The following SCAMP1 variants were observed in gnomAD, a reference collection of about 807,000 sequenced individuals.
SCAMP1 encodes the protein secretory carrier-associated membrane protein 1.
SCAMP1 carries 15 observed loss-of-function variants against 41.8 expected under a neutral mutation model. The observed-to-expected ratio is 0.36, with a 90% CI of 0.24 to 0.55. SCAMP1 has a LOEUF of 0.55. SCAMP1 is among the 20% of genes least tolerant of loss of function. SCAMP1 has a pLI of 0.86. For synonymous variants in SCAMP1, 135 were observed against 136.8 expected, an observed-to-expected ratio of 0.99 and a Z score of 0.09; for missense variants, 341 against 412.6, an observed-to-expected ratio of 0.83 and a Z score of 1.50.
At chr5:78,409,263 C>G (rs1752008657) in intron 2 of SCAMP1, among the ~76,000 whole-genome samples, 1 of 152,020 alleles carries the variant, frequency 6.6e-6, no homozygotes, top group Admixed American at 6.6e-5. Context: ...TGTGTATTTA[C>G]AATATTATTT....
intron 2 of SCAMP1, among the ~76,000 whole-genome samples, chr5:78,405,220 G>A (rs1022208677): frequency 7.9e-5 from 12 of 152,202 alleles, no homozygotes; most frequent in Non-Finnish European, 1.5e-4. Context: ...ACTGGAAACT[G>A]AAAGTCCCCT....
chr5:78,367,013 A>T (rs1271663599), intron 1 of SCAMP1, among the ~76,000 whole-genome samples: 1 of 152,070 alleles, frequency 6.6e-6, no homozygotes, highest in Non-Finnish European at 1.5e-5. Flanking sequence ...TATTCTGAGG[A>T]TTTCCTTTGT....
intron 8 of SCAMP1, among the ~76,000 whole-genome samples, chr5:78,461,749 A>G (rs1314880843): frequency 2.6e-5 from 4 of 152,124 alleles, no homozygotes; most frequent in Non-Finnish European, 5.9e-5. Flanking sequence ...TTTTTAGCAG[A>G]GACGGGATTT....
chr5:78,466,560 G>A (rs1275877213), intron 8 of SCAMP1, among the ~76,000 whole-genome samples: 1 of 152,164 alleles, frequency 6.6e-6, no homozygotes, highest in Non-Finnish European at 1.5e-5. Context: ...GCTCAGAATG[G>A]ATGGGAGATA....
chr5:78,430,204 T>C lies in SCAMP1; in HGVS notation c.632+8244T>C. On this transcript the variant is annotated intron_variant, in intron 6 of 8. Coordinates refer to ENST00000621999, the MANE Select transcript of SCAMP1 (RefSeq NM_004866.6). ...AGTATTTATTTATAAATACAGTATT[T>C]ATTTATAAATACAGTATTTATTTAT... 4.1e-5 allele frequency among the ~76,000 whole-genome samples: 2 copies of C among 48,532 alleles called. 1 individual carries two copies. Among genetic ancestry groups the C allele is most frequent in the Non-Finnish European group, 1.1e-4 (2 of 18,562 alleles). 31.8% of individuals were successfully genotyped at this position (48,532 alleles called of 152,430 possible).
intron 6 of SCAMP1, among the ~76,000 whole-genome samples, chr5:78,422,374 T>G (rs1194907914): frequency 6.6e-6 from 1 of 152,008 alleles, no homozygotes; most frequent in Non-Finnish European, 1.5e-5. Flanking sequence ...ATATTTAAAA[T>G]GAGCCATTTG....
intron 6 of SCAMP1, among the ~76,000 whole-genome samples, chr5:78,427,087 A>G (rs1378795375): frequency 6.6e-6 from 1 of 152,204 alleles, no homozygotes; most frequent in African/African-American, 2.4e-5. Context: ...TTTATAAAGA[A>G]AAGAGATTTA....
intron 8 of SCAMP1, among the ~76,000 whole-genome samples, chr5:78,469,377 A>T (rs1209563584): frequency 1.3e-5 from 2 of 152,110 alleles, no homozygotes; most frequent in Non-Finnish European, 2.9e-5. Flanking sequence ...TCTAAGGGAC[A>T]CAGATAGAGT....
intron 2 of SCAMP1, among the ~76,000 whole-genome samples, chr5:78,406,705 G>T (rs1751944130): frequency 6.6e-6 from 1 of 152,130 alleles, no homozygotes; most frequent in Non-Finnish European, 1.5e-5. Context: ...AACTGAAGAG[G>T]CAAATGTAGT....
intron 7 of SCAMP1, among the ~76,000 whole-genome samples, chr5:78,454,344 T>C (rs369146668): frequency 1.3e-5 from 2 of 152,342 alleles, no homozygotes; most frequent in Non-Finnish European, 2.9e-5. Context: ...CTTATTATTT[T>C]GAAATACGTC....
intron 1 of SCAMP1, among the ~76,000 whole-genome samples, chr5:78,375,693 AATC>A (rs1365036810): frequency 6.6e-6 from 1 of 152,230 alleles, no homozygotes; most frequent in Non-Finnish European, 1.5e-5. Context: ...GAAAGATTCT[AATC>A]ATGTCTCTTG....
chr5:78,451,756 G>A (rs992917210), intron 7 of SCAMP1, among the ~76,000 whole-genome samples: 3 of 152,218 alleles, frequency 2.0e-5, no homozygotes, highest in African/African-American at 7.2e-5. Context: ...CTCGGTTCAA[G>A]TGATTCTCAT....
intron 1 of SCAMP1, among the ~76,000 whole-genome samples, chr5:78,385,892 T>C (rs2112079707): frequency 6.6e-6 from 1 of 152,318 alleles, no homozygotes; most frequent in East Asian, 1.9e-4. Flanking sequence ...GAATGTTCCA[T>C]GTGCTGATGA....
At chr5:78,392,023 G>A (rs1751526187) in intron 2 of SCAMP1, among the ~76,000 whole-genome samples, 2 of 1,244 alleles carry the variant, frequency 1.6e-3, no homozygotes, top group South Asian at 0.029. Context: ...GAGAGGGAGA[G>A]AGAGGGAGAG....
chr5:78,418,586 A>G (rs2112142039), intron 4 of SCAMP1, among the ~76,000 whole-genome samples, 189 bp from the exon 5 acceptor site: 1 of 152,288 alleles, frequency 6.6e-6, no homozygotes, highest in South Asian at 2.1e-4. Context: ...TAAGGTGATG[A>G]TATTCTGAGA....
intron 2 of SCAMP1, among the ~76,000 whole-genome samples, chr5:78,403,128 CCCAAAGTGCTGGGATTACAGGCATGAG>C (rs1168749065): frequency 2.0e-5 from 3 of 152,194 alleles, no homozygotes; most frequent in African/African-American, 7.2e-5. Context: ...GCCTCGGCCT[CCCAAAGTGCTGGGATTACAGGCATGAG>C]CCATTGTGCC....
rs116449032 is a variant in SCAMP1, at chr5:78,365,060, G to A, written c.57+4332G>A. ...TACTATTTTGTAAAATAGGGTAATA[G>A]TACATTCTCTATAGGATTGTAAATA... On this transcript the variant is annotated intron_variant, in intron 1 of 8. Transcript: ENST00000621999. 4.5e-3 allele frequency among the ~76,000 whole-genome samples: 685 copies of A among 152,196 alleles called. 7 individuals are homozygous for A. The highest frequency in any genetic ancestry group is 0.016 in the African/African-American group (659 of 41,522).
chr5:78,426,984 C>G (rs1198196789), intron 6 of SCAMP1, among the ~76,000 whole-genome samples: 1 of 152,134 alleles, frequency 6.6e-6, no homozygotes, highest in Non-Finnish European at 1.5e-5. Flanking sequence ...ATATTTGGCT[C>G]TTTTCAACTT....
chr5:78,384,175 T>G (rs752470376), intron 1 of SCAMP1, among the ~76,000 whole-genome samples: 88 of 87,982 alleles, frequency 1.0e-3, no homozygotes, highest in East Asian at 8.4e-4. Flanking sequence ...TCCCAAGTTT[T>G]TTTTCTTTTT....
Sources: gnomAD v4.1 joint callset for allele counts (sites outside exome capture counted in the v4.1 genomes callset) on GRCh38, gnomAD v4.1.1 for gene constraint, MANE v1.5 for transcripts, NCBI Gene and HGNC (gene_info 2026-07-23, HGNC 2026-07-21) for gene names.